Variants in EML6 observed in about 807,000 individuals in gnomAD.
The protein encoded by EML6 is echinoderm microtubule-associated protein-like 6.
A neutral mutation model predicts 240.1 loss-of-function variants in EML6; 154 were observed. That is an observed-to-expected ratio of 0.64 (90% CI 0.56 to 0.73). The LOEUF is 0.73. EML6 is among the 30% of genes least tolerant of loss of function. The pLI is 0.00. For missense variants in EML6, 2,964 were observed against 2,474.6 expected (o/e 1.20, Z -4.20); for synonymous variants, 1,148 against 899.0 (o/e 1.28, Z -4.95).
chr2:54,905,761 C>T (rs543026825), intron 24 of EML6, among the ~76,000 whole-genome samples: 2 of 152,286 alleles, frequency 1.3e-5, no homozygotes, highest in South Asian at 4.2e-4. Flanking sequence ...CTCTAGGTAC[C>T]TCGTATAAGT....
At chr2:54,752,943 C>T (rs1684239600) in intron 2 of EML6, among the ~76,000 whole-genome samples, 1 of 152,214 alleles carries the variant, frequency 6.6e-6, no homozygotes, top group African/African-American at 2.4e-5. Flanking sequence ...CATCCGCCAC[C>T]ACACCCAGCT....
In EML6 at chr2:54,725,311, G is replaced by A. The variant is rs898290476; in HGVS notation, c.197+53G>A. ...AGGGGTTGCGTGTGGAGGCTGGGAAGGTGGGAAGCGGTTGACCTGGGGTCG... is the reference window on the plus strand; with the variant it reads ...AGGGGTTGCGTGTGGAGGCTGGGAAAGTGGGAAGCGGTTGACCTGGGGTCG... On this transcript the variant is annotated intron_variant, in intron 2 of 41. Transcript: ENST00000356458. This position sits in a 1 kb window ranked among gnomAD's most constrained non-coding sequence, Gnocchi z 4.3. 7.6e-7 allele frequency: 1 copy of A among 1,315,734 alleles called. No individual in the cohort carries two copies. Among genetic ancestry groups the A allele is most frequent in the African/African-American group, 1.5e-5 (1 of 64,764 alleles). The allele number at this position is 1,315,734 out of a possible 1,614,324, so 81.5% of individuals were successfully genotyped here.
intron 2 of EML6, among the ~76,000 whole-genome samples, chr2:54,785,170 CTTTTTTTTTTT>C (rs57639955): frequency 9.7e-6 from 1 of 102,644 alleles, no homozygotes; most frequent in Non-Finnish European, 1.9e-5. Flanking sequence ...CACACACACA[CTTTTTTTTTTT>C]TTTTTTTTTT....
chr2:54,804,928 A>G (rs935819230), intron 2 of EML6, among the ~76,000 whole-genome samples: 8 of 152,078 alleles, frequency 5.3e-5, no homozygotes, highest in Non-Finnish European at 1.0e-4. Flanking sequence ...CTCCTCCCTG[A>G]GGGTTATTTT....
rs191537104 is a variant in EML6 at position 54,751,777 on chromosome 2, T to C, written c.197+26519T>C. On this transcript the variant is annotated intron_variant, in intron 2 of 41. Coordinates refer to ENST00000356458, the MANE Select transcript of EML6 (RefSeq NM_001039753.4). Reference sequence around the variant, plus strand: ...AAGGTTTGTTATGCTGAATATATAGTGCCATTTATTGTTAACTTCTGGCTA... The same window carrying C: ...AAGGTTTGTTATGCTGAATATATAGCGCCATTTATTGTTAACTTCTGGCTA... 2.0e-5 allele frequency among the ~76,000 whole-genome samples: 3 copies of C among 152,366 alleles called. No individual in the cohort carries two copies. In the East Asian group the frequency reaches 5.8e-4, roughly 29 times the overall value.
intron 2 of EML6, among the ~76,000 whole-genome samples, chr2:54,804,458 T>G (rs1670357821): frequency 6.6e-6 from 1 of 152,230 alleles, no homozygotes; most frequent in African/African-American, 2.4e-5. Context: ...GAATGCACTG[T>G]AAGACTAGCC....
At position 54,798,894 on chromosome 2, in the gene EML6, T is replaced by G. The variant is rs545013581; in HGVS notation, c.198-14338T>G. Among the ~76,000 whole-genome samples the G allele has an allele frequency of 4.6e-5, 7 of 152,346 alleles. No homozygotes were observed. The South Asian group carries it at 6.2e-4, about 14-fold the overall frequency. ...GCATTCAGTATTTCAGCATTAAATA[T>G]TTTAGCTTACAGGTGTTTCATAGTT... is the stretch of plus-strand genomic sequence containing the variant. On this transcript the variant is annotated intron_variant, in intron 2 of 41. Coordinates refer to ENST00000356458, the MANE Select transcript of EML6 (RefSeq NM_001039753.4).
chr2:54,844,650 T>C (rs1237654004), intron 8 of EML6, among the ~76,000 whole-genome samples: 2 of 152,222 alleles, frequency 1.3e-5, no homozygotes, highest in Non-Finnish European at 2.9e-5. Context: ...AGAACTTAAA[T>C]TCTGATTCTC....
intron 37 of EML6, 44 bp from the exon 38 acceptor site, chr2:54,964,527 A>G (rs1365300344): frequency 1.9e-6 from 3 of 1,544,014 alleles, no homozygotes; most frequent in Non-Finnish European, 2.6e-6. Context: ...ACCAGCCCCA[A>G]ACAGCCCTCC....
At chr2:54,842,358 C>G (rs1334314244) in intron 7 of EML6, among the ~76,000 whole-genome samples, 3 of 152,120 alleles carry the variant, frequency 2.0e-5, no homozygotes, top group Non-Finnish European at 2.9e-5. Context: ...AAGCTGCTTC[C>G]TTAGTCAAAT....
chr2:54,906,614 G>C (rs996789897), intron 24 of EML6, among the ~76,000 whole-genome samples: 1 of 152,204 alleles, frequency 6.6e-6, no homozygotes, highest in African/African-American at 2.4e-5. Context: ...AGGCAGGTGA[G>C]GGGGTCAGAC....
At position 54,962,582 on chromosome 2, in the gene EML6, T is replaced by C. The variant is rs1449224899; in HGVS notation, c.5028T>C (p.Ala1676=). The C allele has an allele frequency of 6.5e-7, 1 of 1,550,072 alleles. No homozygotes were observed. The highest frequency in any genetic ancestry group is 8.7e-7 in the Non-Finnish European group (1 of 1,146,188). Residue 1676 remains alanine (A), a synonymous_variant, in exon 36 of 42, where the codon GCT becomes GCC. Coordinates refer to ENST00000356458, the MANE Select transcript of EML6 (RefSeq NM_001039753.4). ...GEIIEVGEKN[A]ASNILIDGHM... is the part of the protein sequence containing the mutation. Reference sequence around the variant, plus strand: ...TAATTGAAGTTGGTGAAAAAAATGCTGCTTCTAACATCCTGATTGATGGTC... The same window carrying C: ...TAATTGAAGTTGGTGAAAAAAATGCCGCTTCTAACATCCTGATTGATGGTC...
intron 17 of EML6, among the ~76,000 whole-genome samples, chr2:54,886,505 C>T (rs890082505): frequency 1.3e-5 from 2 of 152,102 alleles, no homozygotes; most frequent in Non-Finnish European, 2.9e-5. Context: ...TCATCTTTTA[C>T]ATTTAGATCT....
chr2:54,728,541 G>T (rs922526137), intron 2 of EML6, among the ~76,000 whole-genome samples: 14 of 152,174 alleles, frequency 9.2e-5, no homozygotes, highest in African/African-American at 3.4e-4. Context: ...ATCCCACTCT[G>T]CCATTTACCG....
chr2:54,858,799 C>T (rs775254454), intron 11 of EML6, among the ~76,000 whole-genome samples: 11 of 152,126 alleles, frequency 7.2e-5, no homozygotes, highest in Admixed American at 2.0e-4. Context: ...GATGGCCTCC[C>T]CCAACCCTAA....
chr2:54,948,567 C>A (rs999219534), intron 28 of EML6, among the ~76,000 whole-genome samples: 1 of 152,192 alleles, frequency 6.6e-6, no homozygotes, highest in Non-Finnish European at 1.5e-5. Context: ...TGAACCAAGC[C>A]CCTCTTGTTT....
At chr2:54,840,212 G>C (rs1311449746) in intron 7 of EML6, among the ~76,000 whole-genome samples, 5 of 152,212 alleles carry the variant, frequency 3.3e-5, no homozygotes, top group African/African-American at 1.2e-4. Context: ...CATGCTGTTG[G>C]AGGCCTTGGG....
In EML6 at chr2:54,899,725, C is replaced by T. The variant is rs1469205939; in HGVS notation, c.3067C>T (p.Arg1023Cys). 1.9e-6 allele frequency: 3 copies of T among 1,552,050 alleles called. No individual in the cohort carries two copies. Among genetic ancestry groups the T allele is most frequent in the South Asian group, 1.2e-5 (1 of 84,076 alleles). The change falls in exon 22 of 42, where the codon CGC (arginine) becomes TGC (cysteine). Residue 1023 changes from arginine (R) to cysteine (C), a missense_variant. Physicochemically the swap from Arg to Cys is radical, Grantham distance 180. Transcript: ENST00000356458. ...CATVSDDKTLRIWELSAQHRM... is the reference protein window; with the variant it reads ...CATVSDDKTLCIWELSAQHRM... ...AACAGTGAGCGATGATAAAACACTT[C>T]GCATCTGGGAACTATCTGCCCAGCA...
chr2:54,735,619 G>T (rs943155215), intron 2 of EML6, among the ~76,000 whole-genome samples: 3 of 152,168 alleles, frequency 2.0e-5, no homozygotes, highest in Non-Finnish European at 4.4e-5. Flanking sequence ...AGCCATTGAG[G>T]ACATAATGTT....
Sources: gnomAD v4.1 joint callset for allele counts (sites outside exome capture counted in the v4.1 genomes callset) on GRCh38, gnomAD v4.1.1 for gene constraint, Gnocchi (gnomAD v3.1) non-coding constraint, MANE v1.5 for transcripts, NCBI Gene and HGNC (gene_info 2026-07-23, HGNC 2026-07-21) for gene names.